Variants in B4GALNT3 observed in about 807,000 individuals in gnomAD.
B4GALNT3 encodes the protein beta-1,4-N-acetylgalactosaminyltransferase 3.
A neutral mutation model predicts 120.2 loss-of-function variants in B4GALNT3; 86 were observed. The ratio of observed to expected loss-of-function variants is 0.72; its 90% CI spans 0.60 to 0.86. The LOEUF (loss-of-function observed/expected upper bound fraction) is 0.86, where lower values mean the gene tolerates loss of function less well. B4GALNT3 is among the 40% of genes least tolerant of loss of function. B4GALNT3 has a pLI of 0.00. For synonymous variants in B4GALNT3, 518 were observed against 510.4 expected (o/e 1.01, Z -0.20); for missense variants, 1,167 against 1,298.9 (o/e 0.90, Z 1.56).
intron 1 of B4GALNT3, among the ~76,000 whole-genome samples, chr12:471,720 A>AAAATAAAT (rs10673199): frequency 0.025 from 3,735 of 148,972 alleles, 178 homozygotes; most frequent in African/African-American, 0.087. Context: ...ATAATAATAA[A>AAAATAAAT]AAATAAATAA....
intron 1 of B4GALNT3, among the ~76,000 whole-genome samples, chr12:484,901 G>A (rs911950400): frequency 1.3e-5 from 2 of 152,094 alleles, no homozygotes; most frequent in Non-Finnish European, 2.9e-5. Flanking sequence ...GAATTCCGGT[G>A]TGTTCTGAAC....
chr12:561,724 G>T lies in B4GALNT3; in HGVS notation c.*273G>T. ...GAGAACGGGAAGAGCTCCTGAGAAG[G>T]ACGGGTCAGGAAGGAGAGATCTGAC... is the stretch of plus-strand genomic sequence containing the variant. On this transcript the variant is annotated 3_prime_UTR_variant, in exon 20 of 20. Transcript: ENST00000266383. 2.3e-6 allele frequency: 1 copy of T among 427,762 alleles called. No homozygotes were observed. The highest frequency in any genetic ancestry group is 3.2e-5 in the South Asian group (1 of 31,668). 26.5% of individuals were successfully genotyped at this position (427,762 alleles called of 1,614,324 possible).
chr12:514,933 G>A (rs1946637981), intron 1 of B4GALNT3, among the ~76,000 whole-genome samples: 1 of 152,112 alleles, frequency 6.6e-6, no homozygotes, highest in African/African-American at 2.4e-5. Flanking sequence ...AGAGGCTGAG[G>A]CAAGAGAATC....
rs527243748 is a variant in B4GALNT3 at position 554,572 on chromosome 12, C to T, written c.2060+589C>T. On this transcript the variant is annotated intron_variant, in intron 14 of 19. Transcript: ENST00000266383. ...TTGGGAGGCCGAGGCGGGCGGATCA[C>T]GAGGTCAGGAGATCGAGACCATCCT... Among the ~76,000 whole-genome samples, 1,300 of 151,346 alleles carry T rather than the reference C, an allele frequency of 8.6e-3. 8 individuals carry two copies. The highest frequency in any genetic ancestry group is 0.012 in the Non-Finnish European group (787 of 67,790).
chr12:557,966 G>T (rs756094931), intron 16 of B4GALNT3, 50 bp from the exon 17 acceptor site: 9 of 1,591,502 alleles, frequency 5.7e-6, no homozygotes, highest in Admixed American at 1.7e-5. Context: ...TCCTCCAGGG[G>T]ACCACCGCAG....
intron 3 of B4GALNT3, among the ~76,000 whole-genome samples, chr12:542,338 T>A (rs1041757915): frequency 1.3e-5 from 2 of 152,056 alleles, no homozygotes; most frequent in Non-Finnish European, 2.9e-5. Context: ...TGTTGAGGAG[T>A]TATTCCCTGC....
intron 7 of B4GALNT3, among the ~76,000 whole-genome samples, chr12:547,626 AC>A (rs1947024682): frequency 6.6e-6 from 1 of 151,894 alleles, no homozygotes; most frequent in Admixed American, 6.6e-5. Flanking sequence ...GCGGAATCCC[AC>A]CTCCACCCCT....
intron 1 of B4GALNT3, among the ~76,000 whole-genome samples, chr12:533,038 A>G (rs1946822762): frequency 6.6e-6 from 1 of 152,184 alleles, no homozygotes; most frequent in Non-Finnish European, 1.5e-5. Flanking sequence ...AGTCATAAGA[A>G]TGAAGATGAC....
chr12:470,251 C>T (rs4980922), intron 1 of B4GALNT3, among the ~76,000 whole-genome samples: 135,758 of 152,272 alleles, frequency 0.89, 61,683 homozygotes, highest in East Asian at 1. Flanking sequence ...TGACTGCTTT[C>T]GCCTCCAAGG....
intron 3 of B4GALNT3, among the ~76,000 whole-genome samples, chr12:537,525 G>A (rs12829929): frequency 0.14 from 20,987 of 152,172 alleles, 1,562 homozygotes; most frequent in African/African-American, 0.17. Context: ...CCAAAGTGCT[G>A]AGATTACAGG....
chr12:536,207 T>G lies in B4GALNT3; in HGVS notation c.274-11T>G. 1 of 1,612,002 alleles carries G rather than the reference T, an allele frequency of 6.2e-7. No homozygotes were observed. Among genetic ancestry groups the G allele is most frequent in the East Asian group, 2.2e-5 (1 of 44,866 alleles). On this transcript the variant is annotated splice_polypyrimidine_tract_variant and intron_variant, in intron 2 of 19. Transcript: ENST00000266383. ...TATTCCTACCAACTTCGTTCTTCAT[T>G]CTTCCCCTAGGACCACGACATTGAC... is the stretch of plus-strand genomic sequence containing the variant.
chr12:555,946 G>A (rs1947149940), intron 14 of B4GALNT3, among the ~76,000 whole-genome samples: 1 of 151,478 alleles, frequency 6.6e-6, no homozygotes, highest in South Asian at 2.1e-4. Context: ...ACCACACCTG[G>A]CTAATTTTTT....
intron 1 of B4GALNT3, among the ~76,000 whole-genome samples, chr12:508,320 C>T (rs1425372604): frequency 6.6e-6 from 1 of 152,154 alleles, no homozygotes; most frequent in Non-Finnish European, 1.5e-5. Context: ...ACCCAGGCCA[C>T]CCAAGCTGGA....
intron 3 of B4GALNT3, among the ~76,000 whole-genome samples, chr12:540,733 T>C (rs541758139): frequency 2.3e-4 from 35 of 151,996 alleles, no homozygotes; most frequent in Non-Finnish European, 1.0e-4. Flanking sequence ...AGAGGTTTTT[T>C]TTCTTCTTTT....
In B4GALNT3 at chr12:553,424, G is replaced by A. The variant is rs868597629; in HGVS notation, c.1501G>A (p.Gly501Arg). ...SKRNSTASFP[G>R]RTSHIPVQQP... ...GCGGAACTCCACAGCGTCCTTCCCA[G>A]GGAGGACCAGCCACATTCCAGTGCA... Residue 501 changes from glycine to arginine, a missense_variant, in exon 14 of 20, where the codon GGG (glycine) becomes AGG (arginine). By Grantham distance (125) the Gly-to-Arg change is moderately radical (BLOSUM62 -2). Around this residue, in one of 3 missense-constraint regions of B4GALNT3, gnomAD observed 983 missense variants for 1,102.5 expected, o/e 0.89. Transcript: ENST00000266383. The A allele has an allele frequency of 6.2e-7, 1 of 1,614,008 alleles. No individual in the cohort carries two copies. The highest frequency in any genetic ancestry group is 8.5e-7 in the Non-Finnish European group (1 of 1,180,034).
At chr12:559,505 G>A in intron 19 of B4GALNT3, 84 bp downstream of exon 19, 1 of 1,569,106 alleles carries the variant, frequency 6.4e-7, no homozygotes. Context: ...CAGCCTAGCT[G>A]TCCCCCTCGG....
At chr12:541,933 C>T (rs1264463258) in intron 3 of B4GALNT3, among the ~76,000 whole-genome samples, 1 of 151,198 alleles carries the variant, frequency 6.6e-6, no homozygotes, top group African/African-American at 2.4e-5. Flanking sequence ...CACTGCCCTC[C>T]CTCCTGGGAT....
chr12:561,220 C>T (rs1007010486), intron 19 of B4GALNT3, 123 bp from the exon 20 acceptor site: 9 of 684,908 alleles, frequency 1.3e-5, no homozygotes, highest in Middle Eastern at 3.0e-4. Flanking sequence ...AGCCCACAGC[C>T]GTCCACTGCA....
intron 1 of B4GALNT3, among the ~76,000 whole-genome samples, chr12:488,003 C>T (rs1050131784): frequency 8.5e-5 from 13 of 152,086 alleles, no homozygotes; most frequent in African/African-American, 3.1e-4. Context: ...GGGGAAAACA[C>T]CTATCAAGAA....
Sources: gnomAD v4.1 joint callset for allele counts (sites outside exome capture counted in the v4.1 genomes callset) on GRCh38, gnomAD v4.1.1 for gene constraint, gnomAD v4.1.1 regional missense constraint, MANE v1.5 for transcripts, NCBI Gene and HGNC (gene_info 2026-07-23, HGNC 2026-07-21) for gene names.